SLC2A13: variants seen among roughly 807,000 people sequenced by gnomAD.
SLC2A13 encodes the protein solute carrier family 2 member 13.
Under a neutral mutation model 64.4 loss-of-function variants are expected in SLC2A13, and 32 were observed. The ratio of observed to expected loss-of-function variants is 0.50; its 90% confidence interval spans 0.37 to 0.67. SLC2A13 has a LOEUF of 0.67. Ranked by LOEUF, SLC2A13 falls within the 30% of genes least tolerant of loss-of-function variation. SLC2A13 has a pLI of 0.00. For missense variants in SLC2A13, 743 were observed against 829.2 expected (o/e 0.90, Z 1.28); for synonymous variants, 338 against 327.1 (o/e 1.03, Z -0.36).
Position 39,757,216 on chromosome 12 carries a change from A to ACAT in SLC2A13, c.*2807_*2809dup, listed in dbSNP as rs1939992350. On this transcript the variant is annotated 3_prime_UTR_variant, in exon 10 of 10. Coordinates refer to ENST00000280871, the MANE Select transcript of SLC2A13 (RefSeq NM_052885.4). The stretch of plus-strand genomic sequence containing the variant: ...ACCTTCTTCATTGTATTTTCCTAAG[A>ACAT]CATAATATACCTCTATCAAATCTGC... 2 of 151,810 alleles carry ACAT rather than the reference A, an allele frequency of 1.3e-5. No homozygotes were observed. Among genetic ancestry groups the ACAT allele is most frequent in the South Asian group, 4.1e-4 (2 of 4,834 alleles). The allele number at this position is 151,810 out of a possible 1,614,324, so 9.4% of individuals were successfully genotyped here.
intron 3 of SLC2A13, among the ~76,000 whole-genome samples, chr12:39,998,374 G>A (rs946448268): frequency 2.0e-5 from 3 of 152,232 alleles, no homozygotes; most frequent in South Asian, 2.1e-4. Context: ...GGACTTTGGG[G>A]ACTTGAGGGA....
intron 5 of SLC2A13, 109 bp from the exon 6 acceptor site, chr12:39,864,991 G>GAA: frequency 5.0e-6 from 5 of 991,424 alleles, no homozygotes; most frequent in Non-Finnish European, 7.1e-6. Context: ...AAAAACTCCT[G>GAA]AAAAAAAAAT....
intron 9 of SLC2A13, 39 bp downstream of exon 9, chr12:39,764,421 A>G: frequency 6.7e-7 from 1 of 1,490,758 alleles, no homozygotes; most frequent in South Asian, 1.4e-5. Flanking sequence ...TAGTGATAAA[A>G]ATAAAAACAA....
chr12:39,917,179 G>A (rs576515872), intron 4 of SLC2A13, among the ~76,000 whole-genome samples: 2 of 152,188 alleles, frequency 1.3e-5, no homozygotes, highest in South Asian at 4.1e-4. Flanking sequence ...AGCATTTGGA[G>A]CTTTGAGCAC....
At chr12:39,972,524 A>G (rs1018037906) in intron 3 of SLC2A13, among the ~76,000 whole-genome samples, 1 of 152,164 alleles carries the variant, frequency 6.6e-6, no homozygotes, top group Non-Finnish European at 1.5e-5. Context: ...ATGTGAAAAG[A>G]TCAACCTCTC....
chr12:39,888,334 C>A (rs1023595438), intron 4 of SLC2A13, among the ~76,000 whole-genome samples: 33 of 152,222 alleles, frequency 2.2e-4, no homozygotes, highest in African/African-American at 8.0e-4. Flanking sequence ...AAGCAATTCT[C>A]CTGTCTCAGC....
intron 4 of SLC2A13, among the ~76,000 whole-genome samples, chr12:39,903,202 C>T (rs771976607): frequency 9.2e-5 from 14 of 152,240 alleles, no homozygotes; most frequent in Non-Finnish European, 1.9e-4. Flanking sequence ...AATATTACAT[C>T]TATCCTATGA....
chr12:39,901,478 C>T (rs1225443307), intron 4 of SLC2A13, among the ~76,000 whole-genome samples: 8 of 140,780 alleles, frequency 5.7e-5, no homozygotes, highest in Non-Finnish European at 3.1e-5. Context: ...CTACAATGAA[C>T]TCAAACAAAT....
chr12:39,840,438 T>C (rs1943151903), intron 6 of SLC2A13, among the ~76,000 whole-genome samples: 1 of 152,082 alleles, frequency 6.6e-6, no homozygotes, highest in East Asian at 1.9e-4. Context: ...ATGAAAATCA[T>C]ACTCCTTTTA....
At chr12:40,022,139 G>A (rs1450384334) in intron 3 of SLC2A13, among the ~76,000 whole-genome samples, 1 of 152,074 alleles carries the variant, frequency 6.6e-6, no homozygotes, top group Non-Finnish European at 1.5e-5. Flanking sequence ...TGAACTCACA[G>A]GAAGCTCCTG....
At chr12:39,835,947 C>T (rs1254688739) in intron 6 of SLC2A13, among the ~76,000 whole-genome samples, 2 of 152,164 alleles carry the variant, frequency 1.3e-5, no homozygotes, top group Middle Eastern at 3.4e-3. Flanking sequence ...TAAATTGCCA[C>T]GTGGTGAAAG....
At chr12:40,041,149 G>A (rs530919037) in intron 2 of SLC2A13, among the ~76,000 whole-genome samples, 10 of 152,042 alleles carry the variant, frequency 6.6e-5, no homozygotes, top group South Asian at 6.3e-4. Context: ...ACGGGGTTTC[G>A]CCATCTTGGC....
At chr12:39,898,082 G>A (rs780852102) in intron 4 of SLC2A13, among the ~76,000 whole-genome samples, 2 of 152,030 alleles carry the variant, frequency 1.3e-5, no homozygotes, top group Admixed American at 6.6e-5. Flanking sequence ...CAAACAATCC[G>A]TTGTTGGGAA....
At chr12:39,909,399 G>GA (rs947378048) in intron 4 of SLC2A13, among the ~76,000 whole-genome samples, 14 of 150,974 alleles carry the variant, frequency 9.3e-5, no homozygotes, top group South Asian at 2.1e-4. Flanking sequence ...CAATAAGGTG[G>GA]AAAAAAAAAT....
At chr12:40,001,109 A>T (rs567478033) in intron 3 of SLC2A13, among the ~76,000 whole-genome samples, 2 of 152,192 alleles carry the variant, frequency 1.3e-5, no homozygotes, top group African/African-American at 4.8e-5. Context: ...TGACTCACAC[A>T]CTCAATGGAT....
intron 6 of SLC2A13, among the ~76,000 whole-genome samples, chr12:39,847,133 G>C (rs1305175367): frequency 6.6e-6 from 1 of 152,174 alleles, no homozygotes; most frequent in Non-Finnish European, 1.5e-5. Flanking sequence ...AATGAGCACA[G>C]AGAGAACTAA....
At chr12:39,856,006 T>G (rs1014192645) in intron 6 of SLC2A13, among the ~76,000 whole-genome samples, 2 of 152,198 alleles carry the variant, frequency 1.3e-5, no homozygotes, top group African/African-American at 2.4e-5. Flanking sequence ...TCTACTAGCA[T>G]GCCCATAGAA....
chr12:40,072,710 T>C (rs1484898231), intron 1 of SLC2A13, among the ~76,000 whole-genome samples: 1 of 152,136 alleles, frequency 6.6e-6, no homozygotes, highest in Non-Finnish European at 1.5e-5. Flanking sequence ...TTTTGATTAA[T>C]GTTAGCATGG....
At chr12:39,958,557 G>A (rs1324950241) in intron 3 of SLC2A13, among the ~76,000 whole-genome samples, 1 of 152,078 alleles carries the variant, frequency 6.6e-6, no homozygotes, top group Non-Finnish European at 1.5e-5. Flanking sequence ...CCTCCACATT[G>A]CTGCCACCTG....
Sources: allele counts gnomAD v4.1 joint callset (sites outside exome capture counted in the v4.1 genomes callset), GRCh38; gene constraint gnomAD v4.1.1; transcripts MANE v1.5; gene names NCBI Gene and HGNC (gene_info 2026-07-23, HGNC 2026-07-21).